COL4A4: variants seen among roughly 807,000 people sequenced by gnomAD.
COL4A4 encodes collagen alpha-4(IV) chain.
In COL4A4, 105 loss-of-function variants were observed where a neutral mutation model predicts 192.9. The ratio of observed to expected loss-of-function variants is 0.54; its 90% CI spans 0.46 to 0.64. The LOEUF (loss-of-function observed/expected upper bound fraction) is 0.64, where lower values mean the gene tolerates loss of function less well. COL4A4 is among the 30% of genes least tolerant of loss of function. The pLI, the probability that COL4A4 is intolerant of heterozygous loss-of-function variation, is 0.00. For missense variants in COL4A4, 1,967 were observed against 2,169.3 expected (o/e 0.91, Z 1.85); for synonymous variants, 762 against 769.9 (o/e 0.99, Z 0.17).
intron 13 of COL4A4, 112 bp from the exon 14 acceptor site, chr2:227,103,309 ATCT>A: frequency 1.2e-6 from 1 of 816,856 alleles, no homozygotes; most frequent in Non-Finnish European, 2.0e-6. Flanking sequence ...AAAAAAAAAA[ATCT>A]TAAGAGATTA....
intron 37 of COL4A4, among the ~76,000 whole-genome samples, chr2:227,038,681 G>T (rs1332613057): frequency 6.6e-6 from 1 of 152,194 alleles, no homozygotes; most frequent in African/African-American, 2.4e-5. Flanking sequence ...AACACAAGCA[G>T]GATGCAAAAT....
chr2:227,093,622 C>G (rs2060052409), intron 20 of COL4A4, among the ~76,000 whole-genome samples: 1 of 152,020 alleles, frequency 6.6e-6, no homozygotes, highest in African/African-American at 2.4e-5. Flanking sequence ...CCCTGCCTGC[C>G]AAACTATCTT....
intron 9 of COL4A4, 38 bp downstream of exon 9, chr2:227,111,640 G>A (rs2061215643): frequency 5.0e-6 from 8 of 1,606,730 alleles, no homozygotes; most frequent in Non-Finnish European, 4.3e-6. Flanking sequence ...GCTATTTGAG[G>A]AGGAAATAGA....
chr2:227,120,689 G>C, intron 5 of COL4A4: 1 of 307,812 alleles, frequency 3.2e-6, no homozygotes, highest in Non-Finnish European at 6.3e-6. Context: ...TGTAATTACA[G>C]CATTTTGGGA....
chr2:227,029,825 G>T (rs147173075), intron 41 of COL4A4, among the ~76,000 whole-genome samples: 4 of 151,952 alleles, frequency 2.6e-5, no homozygotes, highest in Non-Finnish European at 4.4e-5. Flanking sequence ...TCAGTGATTC[G>T]GGATCTTTGC....
chr2:226,981,326 C>G, the COL4A4 span, among the ~76,000 whole-genome samples: 1 of 151,402 alleles, frequency 6.6e-6, no homozygotes, highest in Non-Finnish European at 1.5e-5. Flanking sequence ...GTAACGAGAC[C>G]ACACATTGTG....
chr2:226,971,635 G>A, the COL4A4 span, among the ~76,000 whole-genome samples: 2 of 152,134 alleles, frequency 1.3e-5, no homozygotes, highest in Non-Finnish European at 2.9e-5. Context: ...TGCAAATATG[G>A]GATAAATGTG....
At chr2:227,108,142 C>T (rs563872813) in intron 12 of COL4A4, among the ~76,000 whole-genome samples, 27 of 152,042 alleles carry the variant, frequency 1.8e-4, no homozygotes, top group East Asian at 5.8e-4. Context: ...GGGGAGGAGA[C>T]GGGGAGGACA....
rs1275096105 is a variant in COL4A4 at position 227,089,939 on chromosome 2, C to T, written c.1388G>A (p.Gly463Glu). ...PGSSVIYCSV[G>E]NPGPQGIKGK... is the part of the protein sequence containing the mutation. ...TTTTATTCCTTGTGGTCCGGGGTTC[C>T]CAACACTACAGTATATCACTGTCAA... The change falls in exon 21 of 48, where the codon GGG becomes GAG. Residue 463 changes from glycine to glutamate, a missense_variant. Transcript: ENST00000396625. 6.2e-7 allele frequency: 1 copy of T among 1,613,500 alleles called. No individual in the cohort carries two copies. Among genetic ancestry groups the T allele is most frequent in the Non-Finnish European group, 8.5e-7 (1 of 1,179,652 alleles).
At chr2:227,099,534 G>T in intron 18 of COL4A4, 86 bp downstream of exon 18, 1 of 1,230,936 alleles carries the variant, frequency 8.1e-7, no homozygotes, top group Non-Finnish European at 1.2e-6. Flanking sequence ...TGCAAGCTAT[G>T]GAAATACTGG....
At chr2:227,129,822 T>C (rs2062322084) in intron 4 of COL4A4, among the ~76,000 whole-genome samples, 1 of 152,226 alleles carries the variant, frequency 6.6e-6, no homozygotes, top group Non-Finnish European at 1.5e-5. Context: ...GATTACATGA[T>C]CAATTAAAAC....
intron 35 of COL4A4, 127 bp from the exon 36 acceptor site, chr2:227,043,311 A>G: frequency 3.7e-6 from 3 of 812,742 alleles, no homozygotes; most frequent in Non-Finnish European, 6.2e-6. Context: ...TCTATTGGAA[A>G]GGAAAATAAC....
At chr2:227,083,600 C>G (rs1419528378) in intron 22 of COL4A4, among the ~76,000 whole-genome samples, 1 of 152,102 alleles carries the variant, frequency 6.6e-6, no homozygotes, top group Non-Finnish European at 1.5e-5. Context: ...GTGCATGCCA[C>G]CATGCCTGGC....
the COL4A4 span, among the ~76,000 whole-genome samples, chr2:226,971,918 T>C: frequency 1.3e-5 from 2 of 151,094 alleles, no homozygotes; most frequent in African/African-American, 2.5e-5. Context: ...ACTTTTTTTT[T>C]TTTTTAATTT....
chr2:227,124,936 T>C (rs952373157), intron 4 of COL4A4, among the ~76,000 whole-genome samples: 2 of 152,260 alleles, frequency 1.3e-5, no homozygotes, highest in Non-Finnish European at 1.5e-5. Context: ...AATGCAGTAC[T>C]TTACAGTAAT....
intron 47 of COL4A4, 94 bp from the exon 48 acceptor site, chr2:227,007,682 C>A: frequency 1.7e-5 from 25 of 1,510,714 alleles, no homozygotes; most frequent in Non-Finnish European, 2.3e-5. Flanking sequence ...CTGATCTTAA[C>A]ATTTTTCCTT....
At chr2:226,986,248 T>C in the COL4A4 span, among the ~76,000 whole-genome samples, 1 of 152,128 alleles carries the variant, frequency 6.6e-6, no homozygotes. Flanking sequence ...GGTAACAAAA[T>C]GTACTGTGGT....
At position 227,147,557 on chromosome 2, in the gene COL4A4, G is replaced by T. The variant is rs1471223581; in HGVS notation, c.-74C>A. ...CAGAAGGTTCTTGTTGACAAGTGAGGTTCTGTGTTCTGGGTCAAAGTCTGT... is the reference window on the plus strand; with the variant it reads ...CAGAAGGTTCTTGTTGACAAGTGAGTTTCTGTGTTCTGGGTCAAAGTCTGT... On this transcript the variant is annotated 5_prime_UTR_variant, in exon 2 of 48. Coordinates refer to ENST00000396625, the MANE Select transcript of COL4A4 (RefSeq NM_000092.5). 1.5e-6 allele frequency: 2 copies of T among 1,304,358 alleles called. No homozygotes were observed. Among genetic ancestry groups the T allele is most frequent in the Non-Finnish European group, 1.1e-6 (1 of 904,268 alleles). The allele number at this position is 1,304,358 out of a possible 1,614,324, so 80.8% of individuals were successfully genotyped here. A position where few individuals can be genotyped will look rare whatever the true frequency, so the allele number is the denominator to read the frequency against.
chr2:227,059,336 C>T (rs534173039), intron 28 of COL4A4, 69 bp downstream of exon 28: 202 of 1,292,152 alleles, frequency 1.6e-4, no homozygotes, highest in Non-Finnish European at 2.1e-4. Context: ...ATAATCTAAA[C>T]GTTCTTCAGT....
Sources: allele counts gnomAD v4.1 joint callset (sites outside exome capture counted in the v4.1 genomes callset), GRCh38; gene constraint gnomAD v4.1.1; transcripts MANE v1.5; gene names NCBI Gene and HGNC (gene_info 2026-07-23, HGNC 2026-07-21).